The following CSMD1 variants were observed in gnomAD, a reference collection of about 807,000 sequenced individuals.
CSMD1 encodes the protein CUB and Sushi multiple domains 1.
In CSMD1, 213 loss-of-function variants were observed where a neutral mutation model predicts 417.5. The observed-to-expected ratio is 0.51, with a 90% CI of 0.46 to 0.57. The LOEUF is 0.57. Ranked by LOEUF, CSMD1 falls within the 20% of genes least tolerant of loss-of-function variation. The probability of loss-of-function intolerance (pLI) is 0.00; values close to 1 mark genes in which losing one functional copy is unlikely to be tolerated. For missense variants in CSMD1, 6,923 were observed against 4,529.7 expected (o/e 1.53, Z -15.17); for synonymous variants, 2,862 against 1,736.8 (o/e 1.65, Z -16.11).
chr8:4,941,717 A>G (rs1056924788), intron 1 of CSMD1, among the ~76,000 whole-genome samples: 1 of 151,564 alleles, frequency 6.6e-6, no homozygotes, highest in African/African-American at 2.4e-5. Context: ...TCTCGCCTCA[A>G]CCTCCTGAGT....
chr8:3,082,983 G>C (rs565693025), intron 49 of CSMD1, among the ~76,000 whole-genome samples: 1 of 152,172 alleles, frequency 6.6e-6, no homozygotes, highest in Non-Finnish European at 1.5e-5. Context: ...CGAAGACGTG[G>C]TGATGTGTTA....
In CSMD1 at chr8:3,060,753, G is replaced by C. The variant is rs185937066; in HGVS notation, c.7475-8106C>G. 1.1e-3 allele frequency among the ~76,000 whole-genome samples: 160 copies of C among 152,270 alleles called. 1 individual carries two copies. Among genetic ancestry groups the C allele is most frequent in the Middle Eastern group, 3.4e-3 (1 of 294 alleles). On this transcript the variant is annotated intron_variant, in intron 49 of 69. Transcript: ENST00000635120. ...AGTTTTCAATATGATAGTATTAAGAGGTGGGGCATTTAAAAGGTGATCAGG... is the reference window on the plus strand; with the variant it reads ...AGTTTTCAATATGATAGTATTAAGACGTGGGGCATTTAAAAGGTGATCAGG...
intron 7 of CSMD1, among the ~76,000 whole-genome samples, chr8:3,640,060 T>G (rs1004228442): frequency 6.6e-6 from 1 of 152,168 alleles, no homozygotes; most frequent in Admixed American, 6.5e-5. Flanking sequence ...TCTAATTGCA[T>G]AAGAAGCAGC....
intron 25 of CSMD1, among the ~76,000 whole-genome samples, chr8:3,286,661 T>G (rs1417871401): frequency 3.0e-5 from 4 of 133,712 alleles, no homozygotes; most frequent in Non-Finnish European, 7.1e-5. Context: ...TTCACCCACT[T>G]ATTGAAGGGG....
At chr8:3,797,122 T>C (rs1800196538) in intron 5 of CSMD1, among the ~76,000 whole-genome samples, 1 of 151,982 alleles carries the variant, frequency 6.6e-6, no homozygotes, top group Non-Finnish European at 1.5e-5. Context: ...AAGTAAATAA[T>C]GAAGTATACT....
At chr8:3,029,833 T>G (rs1010417286) in intron 50 of CSMD1, among the ~76,000 whole-genome samples, 1 of 152,048 alleles carries the variant, frequency 6.6e-6, no homozygotes, top group African/African-American at 2.4e-5. Context: ...GTAATGAGCA[T>G]ATGCAAATAA....
intron 23 of CSMD1, among the ~76,000 whole-genome samples, chr8:3,323,929 C>G (rs1806323078): frequency 7.4e-6 from 1 of 134,484 alleles, no homozygotes; most frequent in Non-Finnish European, 1.6e-5. Context: ...AGACACACAT[C>G]TAACCCCAGA....
chr8:4,065,757 A>C (rs1419532223), intron 3 of CSMD1, among the ~76,000 whole-genome samples: 5 of 152,210 alleles, frequency 3.3e-5, no homozygotes, highest in African/African-American at 9.7e-5. Flanking sequence ...CATAAATGCT[A>C]AATATTTGGG....
chr8:4,817,355 C>A (rs1258458457), intron 1 of CSMD1, among the ~76,000 whole-genome samples: 2 of 152,134 alleles, frequency 1.3e-5, no homozygotes, highest in Non-Finnish European at 2.9e-5. Flanking sequence ...TAAGATAAAA[C>A]ATCTATAACA....
intron 5 of CSMD1, among the ~76,000 whole-genome samples, chr8:3,957,907 T>G (rs567095713): frequency 6.6e-6 from 1 of 152,296 alleles, no homozygotes; most frequent in African/African-American, 2.4e-5. Context: ...TCTCCTTTGT[T>G]TGGCTGGTGA....
At chr8:3,699,778 G>T (rs1800746657) in intron 7 of CSMD1, among the ~76,000 whole-genome samples, 1 of 152,146 alleles carries the variant, frequency 6.6e-6, no homozygotes, top group African/African-American at 2.4e-5. Flanking sequence ...TTGAATGTGT[G>T]AGTGAAGATG....
chr8:4,726,509 G>T (rs904208851), intron 1 of CSMD1, among the ~76,000 whole-genome samples: 4 of 152,006 alleles, frequency 2.6e-5, no homozygotes, highest in Admixed American at 6.6e-5. Flanking sequence ...GACCTCAATG[G>T]ACAGGGCTTT....
chr8:3,835,440 C>A (rs939197950), intron 5 of CSMD1, among the ~76,000 whole-genome samples: 3 of 151,792 alleles, frequency 2.0e-5, no homozygotes, highest in African/African-American at 4.8e-5. Context: ...AAAGTGGAAA[C>A]CATCATTCTC....
chr8:4,171,183 C>G (rs1279245257), intron 3 of CSMD1, among the ~76,000 whole-genome samples: 1 of 151,842 alleles, frequency 6.6e-6, no homozygotes, highest in Non-Finnish European at 1.5e-5. Flanking sequence ...GATCAAATAT[C>G]CATCACCATC....
chr8:3,385,140 A>G (rs947314385), intron 18 of CSMD1, among the ~76,000 whole-genome samples: 3 of 134,860 alleles, frequency 2.2e-5, no homozygotes, highest in Non-Finnish European at 4.6e-5. Context: ...TATATAATAC[A>G]TAATATATAA....
chr8:4,265,358 A>G (rs1804175414), intron 3 of CSMD1, among the ~76,000 whole-genome samples: 1 of 108,082 alleles, frequency 9.3e-6, no homozygotes, highest in South Asian at 3.4e-4. Flanking sequence ...CTGTCTCTGC[A>G]CAGTATCATT....
Position 4,175,526 on chromosome 8 carries a change from A to G in CSMD1, c.416-143427T>C, listed in dbSNP as rs188909465. Among the ~76,000 whole-genome samples, 37 of 151,648 alleles carry G rather than the reference A, an allele frequency of 2.4e-4. No individual in the cohort carries two copies. In the East Asian group the frequency reaches 6.8e-3, roughly 28 times the overall value. The stretch of plus-strand genomic sequence containing the variant: ...ACACAAAGACAACTGATAGAAGCCC[A>G]ATGGATAAATGTAGACATGATAAAA... On this transcript the variant is annotated intron_variant, in intron 3 of 69. Transcript: ENST00000635120.
intron 3 of CSMD1, among the ~76,000 whole-genome samples, chr8:4,300,120 G>A (rs545555984): frequency 6.6e-6 from 1 of 152,294 alleles, no homozygotes; most frequent in South Asian, 2.1e-4. Flanking sequence ...GGTAACATCA[G>A]CTGAGTGCTT....
At chr8:3,425,530 G>C (rs1227810101) in intron 12 of CSMD1, among the ~76,000 whole-genome samples, 1 of 147,146 alleles carries the variant, frequency 6.8e-6, no homozygotes, top group Non-Finnish European at 1.5e-5. Context: ...GGAGGTTGCA[G>C]TGATCTGAGA....
Sources: gnomAD v4.1 joint callset for allele counts (sites outside exome capture counted in the v4.1 genomes callset) on GRCh38, gnomAD v4.1.1 for gene constraint, MANE v1.5 for transcripts, NCBI Gene and HGNC (gene_info 2026-07-23, HGNC 2026-07-21) for gene names.